The following CTNNA3 variants were observed in gnomAD, a reference collection of about 807,000 sequenced individuals.
CTNNA3 encodes catenin alpha 3.
A neutral mutation model predicts 95.7 loss-of-function variants in CTNNA3; 76 were observed. The ratio of observed to expected loss-of-function variants is 0.79; its 90% CI spans 0.66 to 0.96. The LOEUF (loss-of-function observed/expected upper bound fraction) is 0.96, where lower values mean the gene tolerates loss of function less well. CTNNA3 is among the 40% of genes least tolerant of loss of function. The pLI is 0.00. For missense variants in CTNNA3, 1,191 were observed against 1,089.8 expected, an observed-to-expected ratio of 1.09 and a Z score of -1.31; for synonymous variants, 431 against 374.4, an observed-to-expected ratio of 1.15 and a Z score of -1.74.
chr10:67,149,627 C>T (rs933899838), intron 7 of CTNNA3, among the ~76,000 whole-genome samples: 6 of 152,010 alleles, frequency 3.9e-5, no homozygotes. Flanking sequence ...TAATATGAAA[C>T]TTCTAAACTA....
chr10:66,558,860 A>T (rs1378618957), intron 10 of CTNNA3, among the ~76,000 whole-genome samples: 1 of 152,076 alleles, frequency 6.6e-6, no homozygotes, highest in Non-Finnish European at 1.5e-5. Context: ...ATCTATTCAA[A>T]TCTCACTAAA....
intron 1 of CTNNA3, among the ~76,000 whole-genome samples, chr10:67,736,440 A>G (rs968500791): frequency 1.4e-5 from 2 of 146,592 alleles, no homozygotes; most frequent in Non-Finnish European, 3.0e-5. Flanking sequence ...TGTTATGCAT[A>G]TTTTACCACA....
intron 12 of CTNNA3, among the ~76,000 whole-genome samples, chr10:66,304,895 G>A (rs1031556161): frequency 1.3e-5 from 2 of 152,082 alleles, no homozygotes; most frequent in South Asian, 2.1e-4. Flanking sequence ...AATATTTTAA[G>A]TACATATATG....
At chr10:67,489,571 T>A (rs1212334871) in intron 5 of CTNNA3, among the ~76,000 whole-genome samples, 1 of 151,988 alleles carries the variant, frequency 6.6e-6, no homozygotes, top group East Asian at 1.9e-4. Flanking sequence ...TAGATAAGTA[T>A]CTGGAAAAAA....
intron 11 of CTNNA3, among the ~76,000 whole-genome samples, chr10:66,477,383 G>A (rs954426071): frequency 1.3e-5 from 2 of 152,054 alleles, no homozygotes; most frequent in Admixed American, 6.6e-5. Context: ...TTGGACAGAA[G>A]GGGTTGTTTT....
At chr10:66,711,200 G>A (rs893435643) in intron 9 of CTNNA3, among the ~76,000 whole-genome samples, 10 of 147,344 alleles carry the variant, frequency 6.8e-5, no homozygotes, top group African/African-American at 2.3e-4. Context: ...TACAGGACCT[G>A]GAATACACAA....
chr10:66,412,626 A>AT, intron 11 of CTNNA3, among the ~76,000 whole-genome samples: 1 of 151,828 alleles, frequency 6.6e-6, no homozygotes, highest in East Asian at 1.9e-4. Flanking sequence ...TGCCCAGCTA[A>AT]TTTTTTGCAT....
chr10:66,770,751 G>C (rs1370712052), intron 8 of CTNNA3, among the ~76,000 whole-genome samples: 1 of 152,076 alleles, frequency 6.6e-6, no homozygotes, highest in Non-Finnish European at 1.5e-5. Context: ...GGAATGGAAA[G>C]GGGAGAAAGT....
chr10:66,949,830 G>C (rs1292183597), intron 7 of CTNNA3, among the ~76,000 whole-genome samples: 1 of 152,146 alleles, frequency 6.6e-6, no homozygotes, highest in African/African-American at 2.4e-5. Context: ...CATGTTTTGT[G>C]ATTCTAACAA....
At chr10:67,687,143 C>T (rs928859794) in intron 1 of CTNNA3, among the ~76,000 whole-genome samples, 1 of 152,188 alleles carries the variant, frequency 6.6e-6, no homozygotes, top group African/African-American at 2.4e-5. Flanking sequence ...AGGAGATTAA[C>T]ACTGAGAAGG....
chr10:66,639,951 G>T (rs976916461), intron 9 of CTNNA3, among the ~76,000 whole-genome samples: 1 of 151,942 alleles, frequency 6.6e-6, no homozygotes, highest in Non-Finnish European at 1.5e-5. Context: ...TACTACGGAT[G>T]AACTGTGCAC....
rs543042922 is a variant in CTNNA3 at position 66,020,500 on chromosome 10, C to G, written c.2160-31703G>C. On this transcript the variant is annotated intron_variant, in intron 15 of 17. Coordinates refer to ENST00000433211, the MANE Select transcript of CTNNA3 (RefSeq NM_013266.4). ...CACTCTTCAACCAACACTGAACATT[C>G]CTGCAGAGGAAGGCAACTGGAAAAT... Among the ~76,000 whole-genome samples, 16 of 152,260 alleles carry G rather than the reference C, an allele frequency of 1.1e-4. No individual in the cohort carries two copies. The South Asian group carries it at 3.1e-3, about 30-fold the overall frequency.
chr10:67,585,615 G>A (rs1200008754), intron 3 of CTNNA3, among the ~76,000 whole-genome samples: 1 of 152,034 alleles, frequency 6.6e-6, no homozygotes, highest in East Asian at 1.9e-4. Context: ...TCTAGTGTGT[G>A]AGTATATCAA....
Position 66,917,553 on chromosome 10 carries a change from G to A in CTNNA3, c.1048-142029C>T, listed in dbSNP as rs183534073. On this transcript the variant is annotated intron_variant, in intron 7 of 17. Transcript: ENST00000433211. ...CAGATCTGGGCCCTAAAATAAAAAC[G>A]TTTTTAAATCAGACATTGTTTCAGA... 2.7e-4 allele frequency among the ~76,000 whole-genome samples: 41 copies of A among 152,224 alleles called. 1 individual carries two copies. In the East Asian group the frequency reaches 6.6e-3, roughly 24 times the overall value.
chr10:67,394,679 A>C (rs915598968), intron 5 of CTNNA3, among the ~76,000 whole-genome samples: 47 of 152,226 alleles, frequency 3.1e-4, no homozygotes, highest in African/African-American at 1.1e-3. Context: ...ATTCAAACAA[A>C]AATACAGGGA....
chr10:66,136,687 A>G (rs949129077), intron 13 of CTNNA3, among the ~76,000 whole-genome samples: 1 of 145,764 alleles, frequency 6.9e-6, no homozygotes, highest in African/African-American at 2.6e-5. Context: ...TTAATGTGAC[A>G]TCACTGAAAG....
At chr10:66,915,804 C>T (rs143704795) in intron 7 of CTNNA3, among the ~76,000 whole-genome samples, 3,580 of 149,552 alleles carry the variant, frequency 0.024, 96 homozygotes, top group African/African-American at 0.069. Context: ...GCTGGAGTGC[C>T]GTGGTGCAAT....
chr10:66,575,508 T>G (rs12264380), intron 10 of CTNNA3, among the ~76,000 whole-genome samples: 43,730 of 152,018 alleles, frequency 0.29, 6,693 homozygotes, highest in Middle Eastern at 0.41. Context: ...TCACCATGTA[T>G]CTGGATCATT....
In CTNNA3 at chr10:66,853,584, T is replaced by C. The variant is rs952374814; in HGVS notation, c.1048-78060A>G. On this transcript the variant is annotated intron_variant, in intron 7 of 17. Transcript: ENST00000433211. ...CTACATGCCAGATGTGACCTGAAAG[T>C]AACAACCCGTTGGTCAGAAAAAACT... 1.2e-4 allele frequency among the ~76,000 whole-genome samples: 19 copies of C among 152,182 alleles called. No individual in the cohort carries two copies. In the South Asian group the frequency reaches 3.7e-3, roughly 30 times the overall value.
Sources: allele counts gnomAD v4.1 joint callset (sites outside exome capture counted in the v4.1 genomes callset), GRCh38; gene constraint gnomAD v4.1.1; transcripts MANE v1.5; gene names NCBI Gene and HGNC (gene_info 2026-07-23, HGNC 2026-07-21).